Variants in BARD1 observed in about 807,000 individuals in gnomAD.
BARD1 encodes the protein BRCA1 associated RING domain 1, also known as BRCA1-associated RING domain protein 1.
In BARD1, 73 loss-of-function variants were observed where a neutral mutation model predicts 77.0. The ratio of observed to expected loss-of-function variants is 0.95; its 90% CI spans 0.79 to 1.15. The LOEUF is 1.15. BARD1 is among the 50% of genes most tolerant of loss of function. The pLI, the probability that BARD1 is intolerant of heterozygous loss-of-function variation, is 0.00. For missense variants in BARD1, 993 were observed against 938.8 expected (o/e 1.06, Z -0.75); for synonymous variants, 384 against 338.0 (o/e 1.14, Z -1.49).
At chr2:214,760,318 G>A (rs1425558294) in intron 6 of BARD1, among the ~76,000 whole-genome samples, 2 of 152,002 alleles carry the variant, frequency 1.3e-5, no homozygotes, top group African/African-American at 2.4e-5. Flanking sequence ...TCAGCCTCCC[G>A]AGTAGCTGGG....
chr2:214,771,610 C>A (rs1217406963), intron 4 of BARD1, among the ~76,000 whole-genome samples: 3 of 151,774 alleles, frequency 2.0e-5, no homozygotes, highest in African/African-American at 7.3e-5. Flanking sequence ...CGCCTGTAAT[C>A]CTAGCTACTC....
intron 6 of BARD1, 87 bp downstream of exon 6, chr2:214,767,395 T>A (rs1437354842): frequency 4.7e-6 from 6 of 1,284,246 alleles, no homozygotes; most frequent in Non-Finnish European, 6.6e-6. Context: ...GCCATCAACT[T>A]GACTATTTTA....
intron 4 of BARD1, among the ~76,000 whole-genome samples, chr2:214,776,746 A>G (rs1052155213): frequency 3.9e-5 from 6 of 152,172 alleles, no homozygotes; most frequent in African/African-American, 1.4e-4. Flanking sequence ...TACGTGGTGA[A>G]AGGGACACTG....
chr2:214,806,848 T>A (rs1696295686), intron 1 of BARD1, among the ~76,000 whole-genome samples: 1 of 129,242 alleles, frequency 7.7e-6, no homozygotes, highest in South Asian at 2.5e-4. Context: ...CACTCCAGCT[T>A]GGGTGACAGA....
intron 7 of BARD1, among the ~76,000 whole-genome samples, chr2:214,749,090 T>C (rs1451846329): frequency 6.6e-6 from 1 of 152,014 alleles, no homozygotes; most frequent in Non-Finnish European, 1.5e-5. Flanking sequence ...TGCTATTTAC[T>C]GTGCAGTGGC....
chr2:214,783,654 A>C (rs1368072580), intron 3 of BARD1, among the ~76,000 whole-genome samples: 2 of 152,082 alleles, frequency 1.3e-5, no homozygotes, highest in Admixed American at 1.3e-4. Flanking sequence ...AGGTGCGGCA[A>C]ACCATTGTGA....
chr2:214,802,873 G>A (rs1004446954), intron 1 of BARD1, among the ~76,000 whole-genome samples: 2 of 152,146 alleles, frequency 1.3e-5, no homozygotes, highest in Non-Finnish European at 2.9e-5. Flanking sequence ...TTTACATGTA[G>A]TTGATTTAGA....
At chr2:214,798,449 C>T (rs550786431) in intron 1 of BARD1, among the ~76,000 whole-genome samples, 1 of 152,186 alleles carries the variant, frequency 6.6e-6, no homozygotes, top group East Asian at 1.9e-4. Flanking sequence ...ACCTCCTTTT[C>T]CCCATCAAGT....
chr2:214,733,465 G>A (rs10932565), intron 9 of BARD1, among the ~76,000 whole-genome samples: 150,556 of 152,308 alleles, frequency 0.99, 74,423 homozygotes, highest in East Asian at 1. Context: ...ATGTTAGGTC[G>A]TGTGTGTTGT....
intron 9 of BARD1, among the ~76,000 whole-genome samples, chr2:214,739,968 G>A (rs953646779): frequency 6.6e-6 from 1 of 151,826 alleles, no homozygotes; most frequent in Non-Finnish European, 1.5e-5. Flanking sequence ...GACAAAACTT[G>A]GGTATCAATT....
chr2:214,789,774 C>A (rs908751792), intron 3 of BARD1, among the ~76,000 whole-genome samples: 2 of 152,048 alleles, frequency 1.3e-5, no homozygotes, highest in African/African-American at 2.4e-5. Context: ...AGATGACCTT[C>A]GTGTTCCTAA....
chr2:214,779,618 C>T (rs1171556638), intron 4 of BARD1, among the ~76,000 whole-genome samples: 2 of 152,174 alleles, frequency 1.3e-5, no homozygotes, highest in Non-Finnish European at 2.9e-5. Context: ...GGACCACACT[C>T]AATGTCTACT....
chr2:214,786,307 G>A (rs1236835458), intron 3 of BARD1, among the ~76,000 whole-genome samples: 1 of 151,794 alleles, frequency 6.6e-6, no homozygotes, highest in Non-Finnish European at 1.5e-5. Context: ...GTCTTTATTA[G>A]CAAAAGAAAA....
At chr2:214,793,023 C>T (rs1023701731) in intron 2 of BARD1, among the ~76,000 whole-genome samples, 2 of 152,134 alleles carry the variant, frequency 1.3e-5, no homozygotes, top group African/African-American at 4.8e-5. Context: ...TGATGAAAAT[C>T]TATACATACT....
rs1334902566 is a variant in BARD1 at position 214,728,108 on chromosome 2, GGAT to G, written c.*565_*567del. On this transcript the variant is annotated 3_prime_UTR_variant, in exon 11 of 11. Coordinates refer to ENST00000260947, the MANE Select transcript of BARD1 (RefSeq NM_000465.4). ...TGATGATATACAAGATAAAAAACAG[GGAT>G]GAAAGTGTAGAAACACACAACAAAG... The G allele has an allele frequency of 3.5e-5, 8 of 228,344 alleles. No homozygotes were observed. Among genetic ancestry groups the G allele is most frequent in the Non-Finnish European group, 6.9e-5 (8 of 115,318 alleles). The allele number at this position is 228,344 out of a possible 1,614,324, so 14.1% of individuals were successfully genotyped here. A position where few individuals can be genotyped will look rare whatever the true frequency, so the allele number is the denominator to read the frequency against.
At position 214,767,654 on chromosome 2, in the gene BARD1, G is replaced by A; in HGVS notation, c.1396C>T (p.His466Tyr). Reference sequence around the variant, plus strand: ...AGGTGCCCATGATTGCAAGCTTCATGCTAATTAAATTTTTTGAAAAAGAAG... The same window carrying A: ...AGGTGCCCATGATTGCAAGCTTCATACTAATTAAATTTTTTGAAAAAGAAG... Reference protein sequence around the residue: ...VKDHAGWTPLHEACNHGHLKV... With the variant: ...VKDHAGWTPLYEACNHGHLKV... The change falls in exon 6 of 11, where the codon CAT (histidine) becomes TAT (tyrosine). Residue 466 changes from histidine (H) to tyrosine (Y), a missense_variant and splice_region_variant. By Grantham distance (83) the His-to-Tyr change is moderately conservative. Coordinates refer to ENST00000260947, the MANE Select transcript of BARD1 (RefSeq NM_000465.4). 1.9e-6 allele frequency: 3 copies of A among 1,613,750 alleles called. No homozygotes were observed. The East Asian group carries it at 6.7e-5, about 36-fold the overall frequency.
chr2:214,776,888 G>A (rs1694759268), intron 4 of BARD1, among the ~76,000 whole-genome samples: 1 of 152,114 alleles, frequency 6.6e-6, no homozygotes, highest in Non-Finnish European at 1.5e-5. Context: ...GATGTGAGAA[G>A]GACTCAATCT....
chr2:214,780,576 T>C lies in BARD1; in HGVS notation c.1298A>G (p.His433Arg), dbSNP rs587781970. The change falls in exon 4 of 11, where the codon CAT becomes CGT. Residue 433 changes from histidine (H) to arginine (R), a missense_variant. His to Arg is a conservative substitution (Grantham distance 29). Transcript: ENST00000260947. ...KRNHRGETLL[H>R]IASIKGDIPS... is the part of the protein sequence containing the mutation. ...GCATCCTACCTTAATAGAAGCAATA[T>C]GGAGCAAAGTCTCTCCTCTATGATT... 3.1e-6 allele frequency: 5 copies of C among 1,613,754 alleles called. No individual in the cohort carries two copies. The East Asian group carries it at 6.7e-5, about 22-fold the overall frequency.
intron 7 of BARD1, among the ~76,000 whole-genome samples, chr2:214,749,393 T>A (rs780608289): frequency 5.9e-5 from 9 of 152,228 alleles, no homozygotes; most frequent in Admixed American, 2.6e-4. Flanking sequence ...GGACTTGATA[T>A]TATCTTTTCC....
Sources: gnomAD v4.1 joint callset for allele counts (sites outside exome capture counted in the v4.1 genomes callset) on GRCh38, gnomAD v4.1.1 for gene constraint, MANE v1.5 for transcripts, NCBI Gene and HGNC (gene_info 2026-07-23, HGNC 2026-07-21) for gene names.